Variants in RAB44 observed in about 807,000 individuals in gnomAD.
The protein encoded by RAB44 is RAB44, member RAS oncogene family, also known as ras-related protein Rab-44.
A neutral mutation model predicts 93.3 loss-of-function variants in RAB44; 67 were observed. The ratio of observed to expected loss-of-function variants is 0.72; its 90% CI spans 0.59 to 0.88. The LOEUF (loss-of-function observed/expected upper bound fraction) is 0.88. RAB44 is among the 40% of genes least tolerant of loss of function. RAB44 has a pLI of 0.00. For missense variants in RAB44, 1,064 were observed against 1,261.7 expected (o/e 0.84, Z 2.37); for synonymous variants, 427 against 520.3 (o/e 0.82, Z 2.44).
At chr6:36,730,813 C>A (rs749225481) in intron 13 of RAB44, 64 bp downstream of exon 13, 1 of 839,272 alleles carries the variant, frequency 1.2e-6, no homozygotes, top group Non-Finnish European at 1.6e-6. Context: ...GGGACAGCTC[C>A]GGCCCCACTC....
At position 36,731,901 on chromosome 6, in the gene RAB44, G is replaced by C; in HGVS notation, c.2976-102G>C. 1.7e-6 allele frequency: 1 copy of C among 592,164 alleles called. No homozygotes were observed. The highest frequency in any genetic ancestry group is 2.5e-6 in the Non-Finnish European group (1 of 404,524). The allele number at this position is 592,164 out of a possible 1,614,324, so 36.7% of individuals were successfully genotyped here. ...AGGGCAGGGGCAGAGCTGTTGTGGG[G>C]GTTGTGGGTGCGGCCTCCCACCCCC... On this transcript the variant is annotated intron_variant, in intron 13 of 13. Coordinates refer to ENST00000612677, the MANE Select transcript of RAB44 (RefSeq NM_001257357.2). This position sits in a 1 kb window ranked among gnomAD's most constrained non-coding sequence, Gnocchi z 4.0.
At chr6:36,708,054 T>C (rs532397637) in intron 2 of RAB44, among the ~76,000 whole-genome samples, 92 of 151,670 alleles carry the variant, frequency 6.1e-4, no homozygotes, top group Non-Finnish European at 1.2e-3. Context: ...TATAAAAAGG[T>C]TTAAAAAATT....
intron 2 of RAB44, among the ~76,000 whole-genome samples, chr6:36,711,874 G>A (rs1762796190): frequency 6.7e-6 from 1 of 150,196 alleles, no homozygotes; most frequent in Admixed American, 6.7e-5. Context: ...CTGCATTCCA[G>A]CTTGAGTGAC....
At chr6:36,715,102 A>AATATATATATAT (rs3046039) in intron 3 of RAB44, among the ~76,000 whole-genome samples, 1 of 148,198 alleles carries the variant, frequency 6.7e-6, no homozygotes, top group Non-Finnish European at 1.5e-5. Context: ...GTTGGCTTAA[A>AATATATATATAT]ATATATATAT....
Position 36,722,281 on chromosome 6 carries a change from T to C in RAB44, c.2147T>C (p.Leu716Pro). The change falls in exon 9 of 14, where the codon CTG becomes CCG. Residue 716 changes from leucine (L) to proline (P), a missense_variant. Leu to Pro is a moderately conservative substitution (Grantham distance 98). Transcript: ENST00000612677. ...TCGGAACTCCCCCAGCAAGACTCTC[T>C]GCTTGTTTCTCTCCCATCTGCCACA... ...AHSELPQQDS[L>P]LVSLPSATPQ... 1 of 1,297,816 alleles carries C rather than the reference T, an allele frequency of 7.7e-7. No individual in the cohort carries two copies. The highest frequency in any genetic ancestry group is 2.9e-5 in the East Asian group (1 of 34,812). 80.4% of individuals were successfully genotyped at this position (1,297,816 alleles called of 1,614,324 possible).
intron 12 of RAB44, 91 bp from the exon 13 acceptor site, chr6:36,730,582 T>C: frequency 1.3e-6 from 1 of 777,456 alleles, no homozygotes; most frequent in South Asian, 6.6e-5. Flanking sequence ...GCATTGGGAC[T>C]CTGATGGCCG....
At chr6:36,711,577 T>G (rs556876353) in intron 2 of RAB44, among the ~76,000 whole-genome samples, 1 of 152,218 alleles carries the variant, frequency 6.6e-6, no homozygotes, top group African/African-American at 2.4e-5. Flanking sequence ...CTAAGTCATT[T>G]AAAGCATTCA....
In RAB44 at chr6:36,721,441, C is replaced by T. The variant is rs1042661743; in HGVS notation, c.1307C>T (p.Pro436Leu). Residue 436 changes from proline to leucine, a missense_variant, in exon 9 of 14, where the codon CCT becomes CTT. Coordinates refer to ENST00000612677, the MANE Select transcript of RAB44 (RefSeq NM_001257357.2). ...SDPDGAPRTP[P>L]GVTFSAKDNK... ...CCAGATGGGGCTCCAAGGACCCCAC[C>T]TGGGGTGACTTTCAGCGCCAAGGAC... 13 of 1,234,340 alleles carry T rather than the reference C, an allele frequency of 1.1e-5. No homozygotes were observed. Among genetic ancestry groups the T allele is most frequent in the Non-Finnish European group, 1.2e-5 (12 of 988,270 alleles). The allele number at this position is 1,234,340 out of a possible 1,614,324, so 76.5% of individuals were successfully genotyped here.
At chr6:36,699,531 C>T (rs963971909) in intron 1 of RAB44, among the ~76,000 whole-genome samples, 1 of 152,188 alleles carries the variant, frequency 6.6e-6, no homozygotes, top group Non-Finnish European at 1.5e-5. Context: ...GGAGCCAAGC[C>T]TGTCAACGCC....
intron 1 of RAB44, among the ~76,000 whole-genome samples, chr6:36,703,310 T>C (rs910421918): frequency 6.6e-6 from 1 of 152,190 alleles, no homozygotes; most frequent in Non-Finnish European, 1.5e-5. Flanking sequence ...TCACTGGGGA[T>C]CAAGTTTCCA....
Position 36,727,594 on chromosome 6 carries a change from G to A in RAB44, c.2699G>A (p.Arg900Gln), listed in dbSNP as rs543211034. Residue 900 changes from arginine (R) to glutamine (Q), a missense_variant, in exon 11 of 14, where the codon CGA becomes CAA. Arg to Gln is a conservative substitution (Grantham distance 43, BLOSUM62 1). Transcript: ENST00000612677. ...CTGGGCAGGTACCACAGTATGACGC[G>A]ACAGCTGCTCCGCAAGGCTGACGGG... ...AGQERYHSMT[R>Q]QLLRKADGVV... The A allele has an allele frequency of 8.4e-6, 13 of 1,550,500 alleles. No individual in the cohort carries two copies. The highest frequency in any genetic ancestry group is 6.8e-5 in the African/African-American group (5 of 73,166).
intron 9 of RAB44, among the ~76,000 whole-genome samples, chr6:36,723,541 G>T (rs1226850558): frequency 2.6e-5 from 4 of 152,066 alleles, no homozygotes; most frequent in Non-Finnish European, 5.9e-5. Flanking sequence ...CAGAGCTACA[G>T]AAAAGCAAAC....
chr6:36,721,565 G>A lies in RAB44; in HGVS notation c.1431G>A (p.Glu477=), dbSNP rs1763082276. Residue 477 remains glutamate (E), a synonymous_variant, in exon 9 of 14, where the codon GAG becomes GAA. Transcript: ENST00000612677. ...ACCAGGAGCCAGGGTCCACACCCGA[G>A]GGCCGCCTCCTCTGGGGTCTCTCAG... ...DPNQEPGSTP[E]GRLLWGLSGS... 1 of 1,234,560 alleles carries A rather than the reference G, an allele frequency of 8.1e-7. No individual in the cohort carries two copies. Among genetic ancestry groups the A allele is most frequent in the Middle Eastern group, 2.1e-4 (1 of 4,842 alleles). 76.5% of individuals were successfully genotyped at this position (1,234,560 alleles called of 1,614,324 possible). A position where few individuals can be genotyped will look rare whatever the true frequency, so the allele number is the denominator to read the frequency against.
At chr6:36,723,163 G>A (rs1236105319) in intron 9 of RAB44, among the ~76,000 whole-genome samples, 1 of 152,218 alleles carries the variant, frequency 6.6e-6, no homozygotes, top group Non-Finnish European at 1.5e-5. Context: ...TACACAGAAT[G>A]TATTTGTAGA....
At chr6:36,730,532 A>T (rs1029247550) in intron 12 of RAB44, 141 bp from the exon 13 acceptor site, 8 of 447,330 alleles carry the variant, frequency 1.8e-5, no homozygotes, top group African/African-American at 4.1e-5. Context: ...CCACGCTGAG[A>T]TGGGGCTGTC....
At chr6:36,708,700 T>C (rs77816641) in intron 2 of RAB44, among the ~76,000 whole-genome samples, 4,622 of 152,158 alleles carry the variant, frequency 0.03, 214 homozygotes, top group African/African-American at 0.1. Flanking sequence ...TAAGATATAA[T>C]AAGTTCAAAA....
chr6:36,720,714 G>C (rs911667105), intron 8 of RAB44, among the ~76,000 whole-genome samples, 164 bp downstream of exon 8: 1 of 152,198 alleles, frequency 6.6e-6, no homozygotes, highest in Non-Finnish European at 1.5e-5. Context: ...CCATTTCTCA[G>C]ATGAGGAAAC....
At chr6:36,730,847 G>A (rs770879796) in intron 13 of RAB44, 98 bp downstream of exon 13, 4 of 567,504 alleles carry the variant, frequency 7.0e-6, no homozygotes, top group Non-Finnish European at 7.8e-6. Flanking sequence ...GGGACAGGAA[G>A]GCCCATTCTG....
intron 6 of RAB44, 117 bp from the exon 7 acceptor site, chr6:36,718,376 G>T (rs1762980803): frequency 4.0e-6 from 2 of 501,212 alleles, no homozygotes; most frequent in Non-Finnish European, 6.3e-6. Context: ...AACCCTCCCT[G>T]CTGGGGCATC....
Sources: gnomAD v4.1 joint callset for allele counts (sites outside exome capture counted in the v4.1 genomes callset) on GRCh38, gnomAD v4.1.1 for gene constraint, Gnocchi (gnomAD v3.1) non-coding constraint, MANE v1.5 for transcripts, NCBI Gene and HGNC (gene_info 2026-07-23, HGNC 2026-07-21) for gene names.